RAPGEF2: variants seen among roughly 807,000 people sequenced by gnomAD.
RAPGEF2 encodes the protein Rap guanine nucleotide exchange factor 2.
Under a neutral mutation model 186.7 loss-of-function variants are expected in RAPGEF2, and 54 were observed. The ratio of observed to expected loss-of-function variants is 0.29; its 90% CI spans 0.23 to 0.36. The LOEUF (loss-of-function observed/expected upper bound fraction) is 0.36, where lower values mean the gene tolerates loss of function less well. Ranked by LOEUF, RAPGEF2 falls within the 10% of genes least tolerant of loss-of-function variation. RAPGEF2 has a pLI of 1.00. For synonymous variants in RAPGEF2, 712 were observed against 705.9 expected (o/e 1.01, Z -0.14); for missense variants, 1,532 against 2,045.0 (o/e 0.75, Z 4.84).
Position 159,125,119 on chromosome 4 carries a change from C to T in RAPGEF2, c.69+20888C>T, listed in dbSNP as rs113995071. On this transcript the variant is annotated intron_variant, in intron 1 of 29. Transcript: ENST00000691494. ...ATTAGGCTTTTGTTATTAAGCCACA[C>T]GCAAACAGCTATGAGATTTTAAAGC... Among the ~76,000 whole-genome samples, 600 of 152,082 alleles carry T rather than the reference C, an allele frequency of 3.9e-3. 2 individuals are homozygous for T. The highest frequency in any genetic ancestry group is 0.014 in the African/African-American group (563 of 41,474).
At chr4:159,303,832 A>G (rs929337571) in intron 7 of RAPGEF2, among the ~76,000 whole-genome samples, 1 of 152,154 alleles carries the variant, frequency 6.6e-6, no homozygotes, top group Non-Finnish European at 1.5e-5. Context: ...CTTTGATGGC[A>G]TTCTTTTCTC....
intron 7 of RAPGEF2, among the ~76,000 whole-genome samples, chr4:159,254,930 C>T (rs1306356680): frequency 6.6e-6 from 1 of 152,226 alleles, no homozygotes; most frequent in Admixed American, 6.5e-5. Flanking sequence ...TCCTGTGGTG[C>T]ATAATGACAT....
At chr4:159,149,322 G>A (rs1029160537) in intron 1 of RAPGEF2, among the ~76,000 whole-genome samples, 2 of 152,082 alleles carry the variant, frequency 1.3e-5, no homozygotes, top group South Asian at 2.1e-4. Context: ...GTGCAGTGGC[G>A]TGATCTTGGC....
At chr4:159,180,308 A>T (rs1048139628) in intron 1 of RAPGEF2, among the ~76,000 whole-genome samples, 1 of 152,134 alleles carries the variant, frequency 6.6e-6, no homozygotes, top group Admixed American at 6.6e-5. Flanking sequence ...CTGAGAGCAG[A>T]GATTTCTTGA....
At chr4:159,186,383 T>G (rs992933943) in intron 1 of RAPGEF2, among the ~76,000 whole-genome samples, 1 of 152,104 alleles carries the variant, frequency 6.6e-6, no homozygotes, top group Non-Finnish European at 1.5e-5. Context: ...AAAGAACGAT[T>G]TATGAGGAAT....
chr4:159,104,523 A>AGAGAGAGAGAGAGG (rs1255733124), intron 1 of RAPGEF2, among the ~76,000 whole-genome samples: 2 of 122,782 alleles, frequency 1.6e-5, no homozygotes, highest in South Asian at 5.1e-4. Context: ...AGAGAGAGAG[A>AGAGAGAGAGAGAGG]GAGGGAGAGA....
intron 7 of RAPGEF2, among the ~76,000 whole-genome samples, chr4:159,258,529 TC>T (rs1344420839): frequency 6.6e-6 from 1 of 152,222 alleles, no homozygotes; most frequent in African/African-American, 2.4e-5. Context: ...GGTTAATGCG[TC>T]CATTTATAAT....
At chr4:159,193,284 T>C (rs78947488) in intron 3 of RAPGEF2, 28 bp downstream of exon 3, 1 of 1,413,782 alleles carries the variant, frequency 7.1e-7, no homozygotes, top group Admixed American at 2.4e-5. Context: ...GTTTGTACAA[T>C]GTATCTAATC....
chr4:159,199,078 A>G (rs982491650), intron 3 of RAPGEF2, among the ~76,000 whole-genome samples: 32 of 148,128 alleles, frequency 2.2e-4, no homozygotes, highest in Non-Finnish European at 3.9e-4. Context: ...AAAAAAAAAA[A>G]GTGAAACCAA....
At chr4:159,125,824 G>T (rs184299147) in intron 1 of RAPGEF2, among the ~76,000 whole-genome samples, 3 of 152,094 alleles carry the variant, frequency 2.0e-5, no homozygotes, top group Non-Finnish European at 1.5e-5. Context: ...ATCAATATGT[G>T]TTAAGAAAAG....
chr4:159,211,858 C>A (rs1387146937), intron 4 of RAPGEF2, among the ~76,000 whole-genome samples: 1 of 152,056 alleles, frequency 6.6e-6, no homozygotes, highest in Non-Finnish European at 1.5e-5. Flanking sequence ...CTGCTTGTTT[C>A]TGTAGTAGCA....
At position 159,204,702 on chromosome 4, in the gene RAPGEF2, G is replaced by A. The variant is rs191263159; in HGVS notation, c.198-5798G>A. ...ATAAACCAGGGCTTTTGTGACTTCC[G>A]TTTTGTCCATTGTGGGATGAGATGT... On this transcript the variant is annotated intron_variant, in intron 3 of 29. Transcript: ENST00000691494. 5.0e-4 allele frequency among the ~76,000 whole-genome samples: 76 copies of A among 152,226 alleles called. 3 individuals are homozygous for A. In the South Asian group the frequency reaches 9.3e-3, roughly 19 times the overall value.
At chr4:159,253,010 T>C (rs1349029672) in intron 7 of RAPGEF2, among the ~76,000 whole-genome samples, 1 of 152,240 alleles carries the variant, frequency 6.6e-6, no homozygotes, top group African/African-American at 2.4e-5. Context: ...TTAGCAAATA[T>C]GTTTAATATT....
chr4:159,133,169 A>G (rs572493741), intron 1 of RAPGEF2, among the ~76,000 whole-genome samples: 1 of 152,310 alleles, frequency 6.6e-6, no homozygotes, highest in African/African-American at 2.4e-5. Context: ...TCAGTACATG[A>G]AGAGCTCCTG....
intron 8 of RAPGEF2, among the ~76,000 whole-genome samples, chr4:159,304,935 G>T (rs996377282): frequency 8.5e-5 from 13 of 152,092 alleles, no homozygotes; most frequent in Non-Finnish European, 1.8e-4. Flanking sequence ...TGAAAACGTG[G>T]TATTTGTCTG....
In RAPGEF2 at chr4:159,188,684, GA is replaced by G. The variant is rs1561062408; in HGVS notation, c.140+1980del. Among the ~76,000 whole-genome samples the G allele has an allele frequency of 2.7e-5, 4 of 146,324 alleles. 1 individual carries two copies. In the South Asian group the frequency reaches 6.5e-4, roughly 24 times the overall value. On this transcript the variant is annotated intron_variant, in intron 2 of 29. Coordinates refer to ENST00000691494, the MANE Select transcript of RAPGEF2 (RefSeq NM_001394067.2). Reference sequence around the variant, plus strand: ...ATCTCAAAAAAAAAAAAAAAGAAAAGAAAAAAAAGAAAAGGTATAAAAATAC... The same window carrying G: ...ATCTCAAAAAAAAAAAAAAAGAAAAGAAAAAAAGAAAAGGTATAAAAATAC...
At chr4:159,336,746 AG>A (rs1561304215) in intron 17 of RAPGEF2, among the ~76,000 whole-genome samples, 1 of 152,140 alleles carries the variant, frequency 6.6e-6, no homozygotes, top group Non-Finnish European at 1.5e-5. Flanking sequence ...CAAAAAAAAA[AG>A]TAAAGGGAAG....
Position 159,133,906 on chromosome 4 carries a change from A to T in RAPGEF2, c.69+29675A>T, listed in dbSNP as rs191723013. Among the ~76,000 whole-genome samples the T allele has an allele frequency of 5.3e-3, 800 of 152,078 alleles. 10 individuals are homozygous for T. Among genetic ancestry groups the T allele is most frequent in the African/African-American group, 0.018 (765 of 41,500 alleles). ...CCAATTTTTTGTATTTTTAATAGTG[A>T]TGGGGTTTCACCATGTTGGCCAGGC... On this transcript the variant is annotated intron_variant, in intron 1 of 29. Coordinates refer to ENST00000691494, the MANE Select transcript of RAPGEF2 (RefSeq NM_001394067.2).
At chr4:159,343,959 C>A in intron 22 of RAPGEF2, 77 bp from the exon 23 acceptor site, 34 of 1,448,570 alleles carry the variant, frequency 2.3e-5, no homozygotes, top group Non-Finnish European at 3.3e-5. Flanking sequence ...GAAGTCTAGT[C>A]CTTTCTTTCT....
Sources: allele counts gnomAD v4.1 joint callset (sites outside exome capture counted in the v4.1 genomes callset), GRCh38; gene constraint gnomAD v4.1.1; transcripts MANE v1.5; gene names NCBI Gene and HGNC (gene_info 2026-07-23, HGNC 2026-07-21).